Variants in GABRB1 observed in about 807,000 individuals in gnomAD.
GABRB1 encodes the protein gamma-aminobutyric acid receptor subunit beta-1.
GABRB1 carries 17 observed loss-of-function variants against 51.6 expected under a neutral mutation model. The observed-to-expected ratio is 0.33, with a 90% CI of 0.23 to 0.49. The LOEUF (loss-of-function observed/expected upper bound fraction) is 0.49, where lower values mean the gene tolerates loss of function less well. Among genes scored for constraint, GABRB1 ranks in the 20% least tolerant of loss-of-function variants. GABRB1 has a pLI of 0.99. For missense variants in GABRB1, 410 were observed against 600.6 expected, an observed-to-expected ratio of 0.68 and a Z score of 3.32; for synonymous variants, 247 against 218.9, an observed-to-expected ratio of 1.13 and a Z score of -1.14.
chr4:47,123,818 T>TTA (rs1715967921), intron 3 of GABRB1, among the ~76,000 whole-genome samples: 1 of 92,486 alleles, frequency 1.1e-5, no homozygotes, highest in South Asian at 2.7e-4. Context: ...ATATTATATA[T>TTA]TATATTATAT....
intron 3 of GABRB1, among the ~76,000 whole-genome samples, chr4:47,037,460 G>A (rs1056951111): frequency 7.2e-5 from 11 of 151,878 alleles, no homozygotes; most frequent in South Asian, 4.1e-4. Flanking sequence ...ATTTTATAAC[G>A]TCTGGAGAGG....
At chr4:47,137,584 T>G (rs1473908052) in intron 3 of GABRB1, among the ~76,000 whole-genome samples, 2 of 152,150 alleles carry the variant, frequency 1.3e-5, no homozygotes, top group Non-Finnish European at 2.9e-5. Context: ...GTTCAAAATA[T>G]TTATTTCTCA....
intron 3 of GABRB1, among the ~76,000 whole-genome samples, chr4:47,109,745 G>A (rs1253018908): frequency 1.3e-5 from 2 of 152,122 alleles, no homozygotes; most frequent in Admixed American, 1.3e-4. Flanking sequence ...TGCAATTTAG[G>A]TGTTATCTGC....
intron 3 of GABRB1, among the ~76,000 whole-genome samples, chr4:47,100,711 G>C (rs1423603406): frequency 6.6e-6 from 1 of 151,888 alleles, no homozygotes; most frequent in Non-Finnish European, 1.5e-5. Flanking sequence ...TTATAATACA[G>C]TACATGCAGT....
intron 4 of GABRB1, among the ~76,000 whole-genome samples, chr4:47,224,082 T>C (rs1720860248): frequency 6.6e-6 from 1 of 151,954 alleles, no homozygotes; most frequent in African/African-American, 2.4e-5. Flanking sequence ...CTTTATGAAC[T>C]GAAAACATTG....
intron 3 of GABRB1, among the ~76,000 whole-genome samples, chr4:47,049,207 G>A (rs116283354): frequency 1.7e-3 from 263 of 152,262 alleles, no homozygotes; most frequent in African/African-American, 6.1e-3. Flanking sequence ...TAGCAAAGGC[G>A]ATTTGTTTGT....
Position 47,392,111 on chromosome 4 carries a change from GAGA to G in GABRB1, c.545-11204_545-11202del, listed in dbSNP as rs149152896. 7.5e-3 allele frequency among the ~76,000 whole-genome samples: 1,136 copies of G among 151,970 alleles called. 15 individuals carry two copies. Among genetic ancestry groups the G allele is most frequent in the African/African-American group, 0.027 (1,100 of 41,460 alleles). On this transcript the variant is annotated intron_variant, in intron 5 of 8. Transcript: ENST00000295454. ...GGCTAAAAAAAAAAAACGCAGAAAG[GAGA>G]AGGAGAAGAGTGCTAAACGGGCAGA...
At chr4:47,237,240 G>A (rs1429580456) in intron 4 of GABRB1, among the ~76,000 whole-genome samples, 1 of 151,920 alleles carries the variant, frequency 6.6e-6, no homozygotes. Flanking sequence ...TAAAACCTTG[G>A]TGGAAGGGAT....
At chr4:47,261,038 T>A (rs1016217925) in intron 4 of GABRB1, among the ~76,000 whole-genome samples, 3 of 152,278 alleles carry the variant, frequency 2.0e-5, no homozygotes, top group Admixed American at 2.0e-4. Flanking sequence ...TAGGTATTGA[T>A]GGGACAAATC....
chr4:47,091,080 T>G (rs1577898989), intron 3 of GABRB1, among the ~76,000 whole-genome samples: 1 of 134,334 alleles, frequency 7.4e-6, no homozygotes. Flanking sequence ...CACTGGCCAG[T>G]GTCTGGGGAT....
At chr4:47,080,903 T>A (rs1414954302) in intron 3 of GABRB1, among the ~76,000 whole-genome samples, 1 of 152,202 alleles carries the variant, frequency 6.6e-6, no homozygotes, top group Admixed American at 6.6e-5. Context: ...TGGATTTATG[T>A]CTTTTTGGAT....
At chr4:47,377,813 G>A (rs1372405027) in intron 5 of GABRB1, among the ~76,000 whole-genome samples, 1 of 152,204 alleles carries the variant, frequency 6.6e-6, no homozygotes, top group East Asian at 1.9e-4. Context: ...TAGATACAGA[G>A]TGTCCATTGG....
intron 5 of GABRB1, among the ~76,000 whole-genome samples, chr4:47,367,516 A>T (rs1560354164): frequency 1.3e-5 from 2 of 152,200 alleles, no homozygotes; most frequent in African/African-American, 4.8e-5. Context: ...ACTACCCCAA[A>T]AAGAAAAATG....
intron 8 of GABRB1, among the ~76,000 whole-genome samples, chr4:47,418,129 G>A (rs752875795): frequency 3.9e-5 from 6 of 152,226 alleles, no homozygotes; most frequent in Non-Finnish European, 5.9e-5. Context: ...TTAGTCATTT[G>A]AGAATCACCC....
intron 1 of GABRB1, among the ~76,000 whole-genome samples, chr4:46,998,528 T>C (rs1378731434): frequency 1.3e-5 from 2 of 151,966 alleles, no homozygotes; most frequent in East Asian, 3.9e-4. Flanking sequence ...GGTCAGGAGA[T>C]GGAGACCACC....
intron 4 of GABRB1, among the ~76,000 whole-genome samples, chr4:47,287,969 C>T (rs1359862112): frequency 6.6e-6 from 1 of 152,162 alleles, no homozygotes; most frequent in Non-Finnish European, 1.5e-5. Context: ...TGACCACAGT[C>T]CCAGCCAGCA....
chr4:47,143,371 A>G (rs919620102), intron 3 of GABRB1, among the ~76,000 whole-genome samples: 7 of 151,616 alleles, frequency 4.6e-5, no homozygotes, highest in African/African-American at 1.7e-4. Context: ...TCCCGGTATT[A>G]TTTTCCTTCC....
At chr4:47,343,138 C>G (rs1725965207) in intron 5 of GABRB1, among the ~76,000 whole-genome samples, 1 of 151,056 alleles carries the variant, frequency 6.6e-6, no homozygotes, top group South Asian at 2.1e-4. Context: ...GTCACCCTCA[C>G]TCAACTTAAA....
chr4:47,310,778 C>T (rs1285594957), intron 4 of GABRB1, among the ~76,000 whole-genome samples: 2 of 152,062 alleles, frequency 1.3e-5, no homozygotes, highest in South Asian at 2.1e-4. Context: ...TAAAATAATG[C>T]TTTCTCCTCC....
Sources: gnomAD v4.1 joint callset for allele counts (sites outside exome capture counted in the v4.1 genomes callset) on GRCh38, gnomAD v4.1.1 for gene constraint, MANE v1.5 for transcripts, NCBI Gene and HGNC (gene_info 2026-07-23, HGNC 2026-07-21) for gene names.